ERC2: variants seen among roughly 807,000 people sequenced by gnomAD.
ERC2 encodes the protein ERC protein 2.
In ERC2, 42 loss-of-function variants were observed where a neutral mutation model predicts 114.8. The ratio of observed to expected loss-of-function variants is 0.37; its 90% confidence interval spans 0.29 to 0.47. ERC2 has a LOEUF of 0.47. Among genes scored for constraint, ERC2 ranks in the 20% least tolerant of loss-of-function variants. The pLI is 0.99. For synonymous variants in ERC2, 454 were observed against 425.5 expected (o/e 1.07, Z -0.82); for missense variants, 939 against 1,150.7 (o/e 0.82, Z 2.66).
At chr3:56,348,682 C>T (rs2058404567) in intron 2 of ERC2, among the ~76,000 whole-genome samples, 2 of 151,632 alleles carry the variant, frequency 1.3e-5, no homozygotes, top group Admixed American at 1.3e-4. Flanking sequence ...GCCTGCATGC[C>T]CTCTTTGCTA....
intron 14 of ERC2, among the ~76,000 whole-genome samples, chr3:55,753,980 A>C (rs1043638465): frequency 6.6e-6 from 1 of 152,204 alleles, no homozygotes; most frequent in Non-Finnish European, 1.5e-5. Flanking sequence ...GAGAATCCTA[A>C]TACACTTATG....
chr3:55,610,336 C>A (rs1232483333), intron 17 of ERC2, among the ~76,000 whole-genome samples: 2 of 152,074 alleles, frequency 1.3e-5, no homozygotes, highest in African/African-American at 4.8e-5. Context: ...CTGCTGACAG[C>A]ATCTTTAAAA....
rs566484477 is a variant in ERC2 at position 56,395,043 on chromosome 3, T to TAA, written c.657+39306_657+39307dup. 3.0e-3 allele frequency among the ~76,000 whole-genome samples: 434 copies of TAA among 145,458 alleles called. 3 individuals carry two copies. Among genetic ancestry groups the TAA allele is most frequent in the African/African-American group, 9.9e-3 (392 of 39,530 alleles). On this transcript the variant is annotated intron_variant, in intron 2 of 17. Transcript: ENST00000288221. ...TGAATCTTAAAAACATCACACTAAG[T>TAA]AAAAAAAAAAAAGTTGCAAAAAAAT... is the stretch of plus-strand genomic sequence containing the variant.
chr3:56,070,139 C>T (rs538768727), intron 7 of ERC2, among the ~76,000 whole-genome samples: 1 of 152,136 alleles, frequency 6.6e-6, no homozygotes, highest in Non-Finnish European at 1.5e-5. Context: ...GTGTAAAATT[C>T]TTCACAGCAA....
chr3:55,999,438 C>T (rs1035114190), intron 10 of ERC2, among the ~76,000 whole-genome samples: 1 of 152,054 alleles, frequency 6.6e-6, no homozygotes, highest in African/African-American at 2.4e-5. Context: ...AAGCTTAATC[C>T]TTGTTTACTC....
chr3:55,973,730 A>G (rs1187794607), intron 12 of ERC2, among the ~76,000 whole-genome samples: 1 of 152,228 alleles, frequency 6.6e-6, no homozygotes, highest in Non-Finnish European at 1.5e-5. Context: ...CTGGCCCATT[A>G]AAACTGCTTA....
chr3:55,713,032 G>T (rs369966347), intron 15 of ERC2, among the ~76,000 whole-genome samples: 38 of 151,718 alleles, frequency 2.5e-4, no homozygotes, highest in African/African-American at 8.0e-4. Context: ...CATCTGCTGT[G>T]CAATGCTAAT....
At chr3:56,402,909 T>C (rs543515491) in intron 2 of ERC2, among the ~76,000 whole-genome samples, 2 of 152,304 alleles carry the variant, frequency 1.3e-5, no homozygotes, top group East Asian at 1.9e-4. Context: ...GGATAATTCT[T>C]TGTTGCAAGG....
At chr3:55,597,287 G>T (rs1438284311) in intron 17 of ERC2, among the ~76,000 whole-genome samples, 8 of 152,030 alleles carry the variant, frequency 5.3e-5, no homozygotes, top group Non-Finnish European at 1.2e-4. Flanking sequence ...GGGTGTGGTG[G>T]CAGGTGCCTA....
chr3:56,435,269 CAGAT>C (rs1481529247), intron 1 of ERC2, 122 bp from the exon 2 acceptor site: 3 of 314,052 alleles, frequency 9.6e-6, no homozygotes, highest in South Asian at 5.3e-5. Flanking sequence ...TAATAATAGA[CAGAT>C]AGAAAGAGCC....
intron 9 of ERC2, among the ~76,000 whole-genome samples, chr3:56,010,012 G>A (rs1479738592): frequency 6.6e-6 from 1 of 152,126 alleles, no homozygotes; most frequent in East Asian, 1.9e-4. Flanking sequence ...TGAGAGTATT[G>A]GGTGGTCCCT....
chr3:55,912,924 A>C (rs1165926924), intron 13 of ERC2, among the ~76,000 whole-genome samples: 1 of 152,200 alleles, frequency 6.6e-6, no homozygotes, highest in Non-Finnish European at 1.5e-5. Flanking sequence ...TTTTTCCATC[A>C]GTGCTTCTTC....
intron 14 of ERC2, among the ~76,000 whole-genome samples, chr3:55,789,717 A>G (rs1255575336): frequency 6.6e-6 from 1 of 152,216 alleles, no homozygotes; most frequent in Non-Finnish European, 1.5e-5. Flanking sequence ...GAAAGGCACT[A>G]CAGAAAGAAA....
chr3:55,938,204 G>C (rs2066574837), intron 13 of ERC2, among the ~76,000 whole-genome samples: 1 of 151,828 alleles, frequency 6.6e-6, no homozygotes, highest in Admixed American at 6.6e-5. Context: ...TGAATGAATA[G>C]ATTAAAACTT....
chr3:56,418,725 G>A lies in ERC2; in HGVS notation c.657+15626C>T, dbSNP rs149379191. Reference sequence around the variant, plus strand: ...CAGGGGAACATATTGTAGTTAGGTGGGTACACTAAATGGGAAAGTGAAGTG... The same window carrying A: ...CAGGGGAACATATTGTAGTTAGGTGAGTACACTAAATGGGAAAGTGAAGTG... On this transcript the variant is annotated intron_variant, in intron 2 of 17. Coordinates refer to ENST00000288221, the MANE Select transcript of ERC2 (RefSeq NM_015576.3). 2.1e-3 allele frequency among the ~76,000 whole-genome samples: 321 copies of A among 152,214 alleles called. 1 individual carries two copies. Among genetic ancestry groups the A allele is most frequent in the African/African-American group, 7.4e-3 (308 of 41,510 alleles).
intron 7 of ERC2, among the ~76,000 whole-genome samples, chr3:56,054,128 C>T (rs1159741310): frequency 2.0e-5 from 3 of 152,156 alleles, no homozygotes; most frequent in African/African-American, 7.2e-5. Flanking sequence ...GTTATACTCT[C>T]TGGAAAAACA....
At chr3:55,571,708 G>A (rs1488170549) in intron 17 of ERC2, among the ~76,000 whole-genome samples, 1 of 152,180 alleles carries the variant, frequency 6.6e-6, no homozygotes, top group Non-Finnish European at 1.5e-5. Context: ...GAGTGGTCCT[G>A]CATGATGTGG....
intron 14 of ERC2, among the ~76,000 whole-genome samples, chr3:55,840,110 A>T (rs1176130399): frequency 6.6e-6 from 1 of 152,026 alleles, no homozygotes; most frequent in Non-Finnish European, 1.5e-5. Context: ...TTTTATATTG[A>T]TAAAGGAATC....
intron 12 of ERC2, among the ~76,000 whole-genome samples, chr3:55,980,247 G>A (rs1243650257): frequency 1.3e-5 from 2 of 151,810 alleles, no homozygotes; most frequent in African/African-American, 2.4e-5. Context: ...AAATGAGAGA[G>A]CAGCAAATAT....
Sources: gnomAD v4.1 joint callset for allele counts (sites outside exome capture counted in the v4.1 genomes callset) on GRCh38, gnomAD v4.1.1 for gene constraint, MANE v1.5 for transcripts, NCBI Gene and HGNC (gene_info 2026-07-23, HGNC 2026-07-21) for gene names.